The following ZCWPW2 variants were observed in gnomAD, a reference collection of about 807,000 sequenced individuals.
The protein encoded by ZCWPW2 is zinc finger CW-type and PWWP domain containing 2.
A neutral mutation model predicts 46.6 loss-of-function variants in ZCWPW2; 45 were observed. That is an observed-to-expected ratio of 0.96 (90% CI 0.76 to 1.24). The LOEUF is 1.24. Ranked by LOEUF, ZCWPW2 falls within the 50% of genes most tolerant of loss-of-function variation. The pLI is 0.00. For synonymous variants in ZCWPW2, 152 were observed against 137.1 expected (o/e 1.11, Z -0.76); for missense variants, 429 against 403.9 (o/e 1.06, Z -0.53).
At chr3:28,442,547 G>T (rs1197352451) in intron 4 of ZCWPW2, among the ~76,000 whole-genome samples, 1 of 152,222 alleles carries the variant, frequency 6.6e-6, no homozygotes, top group South Asian at 2.1e-4. Context: ...ATACCCTTGA[G>T]GTGCGACAGT....
chr3:28,386,964 G>T (rs1005323474), intron 1 of ZCWPW2, among the ~76,000 whole-genome samples: 2 of 152,160 alleles, frequency 1.3e-5, no homozygotes, highest in Non-Finnish European at 2.9e-5. Context: ...TGAGCCAATA[G>T]CTTCTTCTGA....
chr3:28,477,037 A>G (rs979058772), intron 4 of ZCWPW2, among the ~76,000 whole-genome samples: 2 of 152,132 alleles, frequency 1.3e-5, no homozygotes, highest in African/African-American at 4.8e-5. Context: ...TTTAGGGAAT[A>G]TTATAGCAAC....
At chr3:28,350,272 T>A (rs147723568) in intron 1 of ZCWPW2, among the ~76,000 whole-genome samples, 2 of 152,364 alleles carry the variant, frequency 1.3e-5, no homozygotes, top group Admixed American at 1.3e-4. Flanking sequence ...AATAAAGTGG[T>A]AACCTGGTTT....
At chr3:28,351,398 A>G (rs559608302) in intron 1 of ZCWPW2, among the ~76,000 whole-genome samples, 1 of 151,596 alleles carries the variant, frequency 6.6e-6, no homozygotes, top group Admixed American at 6.6e-5. Context: ...TCCCTTTTTC[A>G]CTGAATTAGC....
intron 6 of ZCWPW2, among the ~76,000 whole-genome samples, chr3:28,499,999 TATAAA>T (rs1037604286): frequency 2.0e-5 from 3 of 152,124 alleles, no homozygotes; most frequent in Admixed American, 2.0e-4. Flanking sequence ...CTTTTATTAA[TATAAA>T]ATATGTTTCA....
chr3:28,448,595 G>T (rs1698088180), intron 4 of ZCWPW2, among the ~76,000 whole-genome samples: 1 of 151,232 alleles, frequency 6.6e-6, no homozygotes, highest in African/African-American at 2.4e-5. Flanking sequence ...GACCCGCCTG[G>T]CCACCATGGA....
intron 3 of ZCWPW2, among the ~76,000 whole-genome samples, chr3:28,429,508 G>A (rs528040972): frequency 3.8e-4 from 58 of 152,324 alleles, no homozygotes; most frequent in African/African-American, 1.3e-3. Flanking sequence ...AAAATTAGCA[G>A]CCTGATGATG....
intron 2 of ZCWPW2, among the ~76,000 whole-genome samples, chr3:28,396,383 CAAAT>C (rs1336059580): frequency 6.6e-6 from 1 of 152,054 alleles, no homozygotes; most frequent in African/African-American, 2.4e-5. Context: ...AGGCAGGACA[CAAAT>C]AAGTAATATT....
intron 4 of ZCWPW2, among the ~76,000 whole-genome samples, chr3:28,437,667 T>G (rs559007489): frequency 9.1e-4 from 138 of 152,230 alleles, no homozygotes; most frequent in Non-Finnish European, 1.6e-3. Context: ...TATTCATTGA[T>G]ACACTGAGAT....
intron 4 of ZCWPW2, among the ~76,000 whole-genome samples, chr3:28,449,091 T>A (rs1000331224): frequency 2.0e-5 from 3 of 152,010 alleles, no homozygotes; most frequent in African/African-American, 7.2e-5. Flanking sequence ...CTCACGTAAA[T>A]AGTCAAATTA....
In ZCWPW2 at chr3:28,380,956, A is replaced by ACAGAAAAG. The variant is rs1553630637; in HGVS notation, c.-133-9542_-133-9541insCAGAAAAG. Among the ~76,000 whole-genome samples the ACAGAAAAG allele has an allele frequency of 8.7e-5, 4 of 46,062 alleles. 1 individual carries two copies. Among genetic ancestry groups the ACAGAAAAG allele is most frequent in the East Asian group, 1.9e-3 (2 of 1,046 alleles). The allele number at this position is 46,062 out of a possible 152,430, so 30.2% of individuals were successfully genotyped here. On this transcript the variant is annotated intron_variant, in intron 1 of 9. Transcript: ENST00000383768. The stretch of plus-strand genomic sequence containing the variant: ...TTGGTATATATATATATATATATAT[A>ACAGAAAAG]TATATATATATATATTTGGTATATA...
intron 6 of ZCWPW2, among the ~76,000 whole-genome samples, chr3:28,494,632 C>G (rs571996997): frequency 2.1e-3 from 309 of 146,280 alleles, no homozygotes; most frequent in Middle Eastern, 0.018. Flanking sequence ...AAGAGGAAGT[C>G]AAATTGTCCC....
At chr3:28,495,802 G>A (rs575586109) in intron 6 of ZCWPW2, among the ~76,000 whole-genome samples, 2 of 151,966 alleles carry the variant, frequency 1.3e-5, no homozygotes, top group East Asian at 1.9e-4. Context: ...TGTCTTAGGG[G>A]ACATTTAAGA....
At chr3:28,397,447 A>G (rs929268592) in intron 2 of ZCWPW2, among the ~76,000 whole-genome samples, 1 of 152,164 alleles carries the variant, frequency 6.6e-6, no homozygotes, top group African/African-American at 2.4e-5. Context: ...AGGCAGGTGG[A>G]TCATTTGAGG....
chr3:28,435,628 G>A (rs1296528141), intron 4 of ZCWPW2, among the ~76,000 whole-genome samples: 1 of 151,680 alleles, frequency 6.6e-6, no homozygotes, highest in Non-Finnish European at 1.5e-5. Flanking sequence ...TGGGACTACA[G>A]GTGCCCGCCA....
chr3:28,388,395 A>G (rs1695358842), intron 1 of ZCWPW2, among the ~76,000 whole-genome samples: 1 of 152,194 alleles, frequency 6.6e-6, no homozygotes, highest in Non-Finnish European at 1.5e-5. Context: ...TAAAGACTCT[A>G]ACAAGATCGT....
chr3:28,444,896 T>A (rs577141917), intron 4 of ZCWPW2, among the ~76,000 whole-genome samples: 1 of 152,246 alleles, frequency 6.6e-6, no homozygotes, highest in Admixed American at 6.5e-5. Context: ...ACATGGGCAG[T>A]GAATCAGGAG....
chr3:28,456,414 C>A (rs937436221), intron 4 of ZCWPW2, among the ~76,000 whole-genome samples: 1 of 152,120 alleles, frequency 6.6e-6, no homozygotes, highest in African/African-American at 2.4e-5. Context: ...AGGATTATGT[C>A]ATTTGCAAAC....
chr3:28,457,190 T>G (rs1239909313), intron 4 of ZCWPW2, among the ~76,000 whole-genome samples: 1 of 152,152 alleles, frequency 6.6e-6, no homozygotes, highest in Admixed American at 6.6e-5. Context: ...TGAAAATAAA[T>G]TTAGAATTAT....
Sources: allele counts gnomAD v4.1 joint callset (sites outside exome capture counted in the v4.1 genomes callset), GRCh38; gene constraint gnomAD v4.1.1; transcripts MANE v1.5; gene names NCBI Gene and HGNC (gene_info 2026-07-23, HGNC 2026-07-21).